TMEM9: variants seen among roughly 807,000 people sequenced by gnomAD.
The protein encoded by TMEM9 is transmembrane protein 9, also known as proton-transporting V-type ATPase complex assembly regulator TMEM9.
TMEM9 carries 13 observed loss-of-function variants against 22.8 expected under a neutral mutation model. That is an observed-to-expected ratio of 0.57 (90% CI 0.37 to 0.91). The LOEUF (loss-of-function observed/expected upper bound fraction) is 0.91. Ranked by LOEUF, TMEM9 falls within the 40% of genes least tolerant of loss-of-function variation. TMEM9 has a pLI of 0.01. For synonymous variants in TMEM9, 88 were observed against 93.0 expected (o/e 0.95, Z 0.31); for missense variants, 182 against 238.1 (o/e 0.76, Z 1.55).
intron 1 of TMEM9, among the ~76,000 whole-genome samples, chr1:201,170,436 A>G (rs1296907793): frequency 6.6e-6 from 1 of 152,190 alleles, no homozygotes; most frequent in East Asian, 1.9e-4. Flanking sequence ...ATAATCTTCA[A>G]TCTATTTCAA....
chr1:201,170,189 G>T (rs1534052), intron 1 of TMEM9, among the ~76,000 whole-genome samples: 80,582 of 151,950 alleles, frequency 0.53, 22,240 homozygotes, highest in African/African-American at 0.69. Context: ...TCACTATTCA[G>T]CATTCAAAGT....
At chr1:201,168,487 T>A (rs568258295) in intron 1 of TMEM9, among the ~76,000 whole-genome samples, 3 of 152,266 alleles carry the variant, frequency 2.0e-5, no homozygotes, top group Non-Finnish European at 2.9e-5. Flanking sequence ...GGGAGGCTGA[T>A]ACAGGTGGAT....
intron 1 of TMEM9, among the ~76,000 whole-genome samples, chr1:201,164,838 C>G (rs745423728): frequency 6.6e-6 from 1 of 152,016 alleles, no homozygotes; most frequent in South Asian, 2.1e-4. Context: ...TTTATCATAG[C>G]GTCCATGTGG....
chr1:201,167,782 C>T (rs74478813), intron 1 of TMEM9, among the ~76,000 whole-genome samples: 2,137 of 152,272 alleles, frequency 0.014, 70 homozygotes, highest in African/African-American at 0.048. Context: ...TGAAGTTTAG[C>T]TAGATCAGAT....
intron 4 of TMEM9, among the ~76,000 whole-genome samples, chr1:201,137,337 C>T (rs1558102542): frequency 6.6e-6 from 1 of 152,206 alleles, no homozygotes; most frequent in African/African-American, 2.4e-5. Flanking sequence ...GACATGGCCT[C>T]AGTCACTTAT....
chr1:201,165,443 CTT>C (rs757893021), intron 1 of TMEM9, among the ~76,000 whole-genome samples: 3 of 144,034 alleles, frequency 2.1e-5, no homozygotes, highest in Admixed American at 7.0e-5. Flanking sequence ...CTTTTTCTTT[CTT>C]TTTTTTTTTT....
At chr1:201,141,673 G>A (rs1406890261) in intron 4 of TMEM9, among the ~76,000 whole-genome samples, 2 of 152,104 alleles carry the variant, frequency 1.3e-5, no homozygotes, top group African/African-American at 2.4e-5. Flanking sequence ...CAGCTTCTAT[G>A]TGCTGCAGCC....
Position 201,148,570 on chromosome 1 carries a change from C to T in TMEM9, c.159-1722G>A, listed in dbSNP as rs79870354. On this transcript the variant is annotated intron_variant, in intron 2 of 4. Coordinates refer to ENST00000367330, the MANE Select transcript of TMEM9 (RefSeq NM_001288565.2). ...TCTCTTTGAGATAAAGCGGTTGCACCGGATAATCTTTAAAAGGCCCTTCCA... is the reference window on the plus strand; with the variant it reads ...TCTCTTTGAGATAAAGCGGTTGCACTGGATAATCTTTAAAAGGCCCTTCCA... Among the ~76,000 whole-genome samples the T allele has an allele frequency of 9.9e-3, 1,505 of 152,284 alleles. 21 individuals carry two copies. The highest frequency in any genetic ancestry group is 0.024 in the African/African-American group (996 of 41,548).
intron 1 of TMEM9, among the ~76,000 whole-genome samples, chr1:201,152,531 T>C (rs1665513300): frequency 6.6e-6 from 1 of 152,152 alleles, no homozygotes; most frequent in South Asian, 2.1e-4. Flanking sequence ...AATGTAGCAA[T>C]AAAGAATGGA....
upstream of TMEM9, among the ~76,000 whole-genome samples, chr1:201,154,845 A>G (rs780868374): frequency 1.3e-5 from 2 of 152,126 alleles, no homozygotes; most frequent in Non-Finnish European, 2.9e-5. Context: ...AAAATCTGGA[A>G]ATGTTATTTA....
upstream of TMEM9, among the ~76,000 whole-genome samples, chr1:201,155,827 G>A (rs939614700): frequency 1.1e-4 from 17 of 152,146 alleles, no homozygotes; most frequent in Non-Finnish European, 1.6e-4. Context: ...AATTTTCAAG[G>A]TGGTTGTAGG....
In TMEM9 at chr1:201,153,971, G is replaced by A. The variant is rs1056399763; in HGVS notation, c.-48C>T. ...GCAAAGCCGGACACCTGGAAAAAGAGATACGGAGTCGGAGAAGGGGAAGGT... is the reference window on the plus strand; with the variant it reads ...GCAAAGCCGGACACCTGGAAAAAGAAATACGGAGTCGGAGAAGGGGAAGGT... On this transcript the variant is annotated 5_prime_UTR_variant, in exon 1 of 5. Transcript: ENST00000367330. 1.3e-6 allele frequency: 2 copies of A among 1,574,758 alleles called. No individual in the cohort carries two copies. Among genetic ancestry groups the A allele is most frequent in the Non-Finnish European group, 1.7e-6 (2 of 1,159,894 alleles).
chr1:201,136,700 G>A (rs1158942907), intron 4 of TMEM9, among the ~76,000 whole-genome samples: 1 of 152,190 alleles, frequency 6.6e-6, no homozygotes, highest in Non-Finnish European at 1.5e-5. Flanking sequence ...TGAAGCTCCG[G>A]AGCCTCTGCA....
In TMEM9 at chr1:201,163,136, A is replaced by G. The variant is rs1220592122; in HGVS notation, c.-37+8354T>C. ...CCCTGTCTCTACCAGAAATACAAAGAATTAGCTGGGTGTGATGGTGCACGC... is the reference window on the plus strand; with the variant it reads ...CCCTGTCTCTACCAGAAATACAAAGGATTAGCTGGGTGTGATGGTGCACGC... On this transcript the variant is annotated intron_variant, in intron 1 of 5. Coordinates refer to the TMEM9 transcript ENST00000367333. 2.0e-5 allele frequency among the ~76,000 whole-genome samples: 3 copies of G among 152,070 alleles called. No homozygotes were observed. In the East Asian group the frequency reaches 5.8e-4, roughly 29 times the overall value.
chr1:201,160,981 C>G (rs1483809007), intron 1 of TMEM9, among the ~76,000 whole-genome samples: 1 of 151,170 alleles, frequency 6.6e-6, no homozygotes, highest in African/African-American at 2.4e-5. Flanking sequence ...TTTTGTTTAT[C>G]TGGGTCCTAT....
intron 4 of TMEM9, among the ~76,000 whole-genome samples, chr1:201,141,858 G>A (rs900223516): frequency 2.6e-5 from 4 of 152,124 alleles, no homozygotes; most frequent in African/African-American, 9.7e-5. Context: ...TCCCCAAGCT[G>A]CCCTCCCTCT....
intron 1 of TMEM9, among the ~76,000 whole-genome samples, chr1:201,165,594 G>A (rs529852515): frequency 5.7e-4 from 86 of 152,012 alleles, no homozygotes; most frequent in Admixed American, 7.9e-4. Flanking sequence ...GCGCCACCAC[G>A]CCCAGCTAAT....
intron 1 of TMEM9, among the ~76,000 whole-genome samples, chr1:201,167,279 T>G (rs1666101384): frequency 6.6e-6 from 1 of 152,206 alleles, no homozygotes; most frequent in South Asian, 2.1e-4. Context: ...AATCAGTCTC[T>G]CTGAAGGCTC....
At position 201,153,933 on chromosome 1, in the gene TMEM9, G is replaced by A. The variant is rs745439302; in HGVS notation, c.-10C>T. 1 of 1,603,280 alleles carries A rather than the reference G, an allele frequency of 6.2e-7. No individual in the cohort carries two copies. Among genetic ancestry groups the A allele is most frequent in the Non-Finnish European group, 8.5e-7 (1 of 1,174,192 alleles). Reference sequence around the variant, plus strand: ...AAGATAAGAGCTTCATGCTTATCAGGCTTGCTGGGCCAGCAAAGCCGGACA... The same window carrying A: ...AAGATAAGAGCTTCATGCTTATCAGACTTGCTGGGCCAGCAAAGCCGGACA... On this transcript the variant is annotated 5_prime_UTR_variant, in exon 1 of 5. Transcript: ENST00000367330.
Sources: allele counts gnomAD v4.1 joint callset (sites outside exome capture counted in the v4.1 genomes callset), GRCh38; gene constraint gnomAD v4.1.1; transcripts MANE v1.5; gene names NCBI Gene and HGNC (gene_info 2026-07-23, HGNC 2026-07-21).